The following TMTC1 variants were observed in gnomAD, a reference collection of about 807,000 sequenced individuals.
TMTC1 encodes the protein transmembrane O-mannosyltransferase targeting cadherins 1.
In TMTC1, 73 loss-of-function variants were observed where a neutral mutation model predicts 104.8. The observed-to-expected ratio is 0.70, with a 90% CI of 0.58 to 0.85. TMTC1 has a LOEUF of 0.85. Among genes scored for constraint, TMTC1 ranks in the 40% least tolerant of loss-of-function variants. TMTC1 has a pLI of 0.00. For synonymous variants in TMTC1, 434 were observed against 428.7 expected, an observed-to-expected ratio of 1.01 and a Z score of -0.15; for missense variants, 1,035 against 1,096.1, an observed-to-expected ratio of 0.94 and a Z score of 0.79.
In TMTC1 at chr12:29,783,596, G is replaced by A. The variant is rs1435758267; in HGVS notation, c.156C>T (p.Asp52=). The A allele has an allele frequency of 2.0e-6, 3 of 1,478,948 alleles. No individual in the cohort carries two copies. The highest frequency in any genetic ancestry group is 2.6e-5 in the South Asian group (2 of 78,202). 91.6% of individuals were successfully genotyped at this position (1,478,948 alleles called of 1,614,324 possible). The part of the protein sequence containing the change: ...GRSLQGEFVH[D]DVWAIVNNPD... ...GGTTGTTCACGATCGCCCACACGTC[G>A]TCGTGCACGAACTCGCCCTGCAGGG... The change falls in exon 1 of 18, where the codon GAC becomes GAT. Residue 52 remains aspartate, a synonymous_variant. Transcript: ENST00000539277. This position sits in a 1 kb window ranked among gnomAD's most constrained non-coding sequence, Gnocchi z 4.7.
At chr12:29,666,056 C>T (rs1940263467) in intron 5 of TMTC1, among the ~76,000 whole-genome samples, 1 of 152,064 alleles carries the variant, frequency 6.6e-6, no homozygotes, top group Admixed American at 6.5e-5. Context: ...ACAGTGGTCT[C>T]CGTATCAATT....
intron 5 of TMTC1, among the ~76,000 whole-genome samples, chr12:29,674,754 C>T (rs74078918): frequency 6.6e-6 from 1 of 152,134 alleles, no homozygotes; most frequent in African/African-American, 2.4e-5. Flanking sequence ...AAGGGGGGGC[C>T]TTTTCCTAAT....
intron 5 of TMTC1, chr12:29,658,575 A>T (rs746450141): frequency 5.3e-6 from 1 of 187,148 alleles, no homozygotes; most frequent in Non-Finnish European, 1.2e-5. Context: ...GTTTGTTTAT[A>T]ACAACACCAA....
At chr12:29,606,835 C>T (rs1166893691) in intron 6 of TMTC1, among the ~76,000 whole-genome samples, 2 of 152,146 alleles carry the variant, frequency 1.3e-5, no homozygotes, top group East Asian at 1.9e-4. Context: ...CCTTCCAACG[C>T]ACCTTCCTCA....
chr12:29,675,260 CA>C (rs1445489686), intron 5 of TMTC1, among the ~76,000 whole-genome samples: 3 of 150,104 alleles, frequency 2.0e-5, no homozygotes, highest in African/African-American at 7.3e-5. Flanking sequence ...TTAACAAACA[CA>C]ATTTTCCTGT....
At chr12:29,550,562 A>C (rs1208908226) in intron 10 of TMTC1, among the ~76,000 whole-genome samples, 1 of 152,110 alleles carries the variant, frequency 6.6e-6, no homozygotes, top group Non-Finnish European at 1.5e-5. Flanking sequence ...GACAGAGGTA[A>C]GAGTTTAAGC....
chr12:29,579,929 G>T (rs934004016), intron 8 of TMTC1, among the ~76,000 whole-genome samples: 5 of 152,146 alleles, frequency 3.3e-5, no homozygotes, highest in Non-Finnish European at 7.4e-5. Flanking sequence ...CCAGATTTGG[G>T]TTCAAATCTT....
chr12:29,665,997 T>G (rs989694434), intron 5 of TMTC1, among the ~76,000 whole-genome samples: 2 of 152,054 alleles, frequency 1.3e-5, no homozygotes, highest in Non-Finnish European at 1.5e-5. Flanking sequence ...TTGTCCATGC[T>G]ATATTCAGAG....
intron 5 of TMTC1, among the ~76,000 whole-genome samples, chr12:29,635,503 A>G (rs1450198376): frequency 1.3e-5 from 2 of 152,226 alleles, no homozygotes; most frequent in Non-Finnish European, 2.9e-5. Flanking sequence ...CATGATCATC[A>G]ATGACTGCTT....
chr12:29,761,498 G>A (rs1326829142), intron 2 of TMTC1, among the ~76,000 whole-genome samples: 3 of 151,558 alleles, frequency 2.0e-5, no homozygotes, highest in Non-Finnish European at 4.4e-5. Context: ...TACTTCAGAA[G>A]AAGATTGAAA....
intron 5 of TMTC1, among the ~76,000 whole-genome samples, chr12:29,644,095 A>G: frequency 1.2e-5 from 1 of 85,054 alleles, no homozygotes; most frequent in African/African-American, 5.0e-5. Flanking sequence ...ATATAAATAT[A>G]AATATATAAA....
intron 5 of TMTC1, among the ~76,000 whole-genome samples, chr12:29,711,510 G>T (rs1422258771): frequency 6.6e-6 from 1 of 152,154 alleles, no homozygotes; most frequent in Non-Finnish European, 1.5e-5. Flanking sequence ...TAGGACGGGT[G>T]TTGGTGTCAT....
chr12:29,514,389 C>A, intron 16 of TMTC1, 93 bp downstream of exon 16: 1 of 1,339,620 alleles, frequency 7.5e-7, no homozygotes, highest in East Asian at 2.3e-5. Flanking sequence ...TGCCAGTGAT[C>A]TTAGATCTTA....
intron 5 of TMTC1, among the ~76,000 whole-genome samples, chr12:29,644,103 A>G (rs1473408820): frequency 2.8e-5 from 2 of 70,894 alleles, no homozygotes; most frequent in Admixed American, 2.8e-4. Flanking sequence ...ATAAATATAT[A>G]AATATATATG....
chr12:29,600,086 G>A lies in TMTC1; in HGVS notation c.1250+4092C>T, dbSNP rs538589086. 3.4e-5 allele frequency among the ~76,000 whole-genome samples: 5 copies of A among 146,298 alleles called. No individual in the cohort carries two copies. In the South Asian group the frequency reaches 1.1e-3, roughly 31 times the overall value. ...GGCTGTTTCTTGTCAAGGTCAGGAT[G>A]GAAGGAGATTCATGAAGATATGATT... is the stretch of plus-strand genomic sequence containing the variant. On this transcript the variant is annotated intron_variant, in intron 7 of 17. Coordinates refer to ENST00000539277, the MANE Select transcript of TMTC1 (RefSeq NM_001193451.2).
chr12:29,764,931 T>C (rs1943429302), intron 2 of TMTC1, among the ~76,000 whole-genome samples: 1 of 152,208 alleles, frequency 6.6e-6, no homozygotes, highest in Admixed American at 6.5e-5. Flanking sequence ...TTATGCACTC[T>C]CTCTCTGATA....
chr12:29,685,349 C>T (rs1414705935), intron 5 of TMTC1, among the ~76,000 whole-genome samples: 1 of 149,568 alleles, frequency 6.7e-6, no homozygotes, highest in Non-Finnish European at 1.5e-5. Context: ...TCCTTTGTTA[C>T]CAAAATTATT....
rs1943706635 is a variant in TMTC1 at position 29,506,893 on chromosome 12, G to A, written c.2602C>T (p.Arg868Cys). ...ACTTCTTGTAATCGTTTTTCTAGGC[G>A]ATCCAATTTGGCAAGATTTTCCTTC... is the stretch of plus-strand genomic sequence containing the variant. ...LLKENLAKLD[R>C]LEKRLQEVRE... The change falls in exon 18 of 18, where the codon CGC becomes TGC. Residue 868 changes from arginine (R) to cysteine (C), a missense_variant. Physicochemically the swap from Arg to Cys is radical, Grantham distance 180. Coordinates refer to ENST00000539277, the MANE Select transcript of TMTC1 (RefSeq NM_001193451.2). The A allele has an allele frequency of 2.5e-6, 4 of 1,614,072 alleles. No homozygotes were observed. Among genetic ancestry groups the A allele is most frequent in the Non-Finnish European group, 3.4e-6 (4 of 1,179,978 alleles).
chr12:29,578,209 G>A (rs1243513489), intron 8 of TMTC1, among the ~76,000 whole-genome samples: 1 of 151,930 alleles, frequency 6.6e-6, no homozygotes, highest in African/African-American at 2.4e-5. Flanking sequence ...GCAGAAGTGG[G>A]TGGAGTCACT....
Sources: gnomAD v4.1 joint callset for allele counts (sites outside exome capture counted in the v4.1 genomes callset) on GRCh38, gnomAD v4.1.1 for gene constraint, Gnocchi (gnomAD v3.1) non-coding constraint, MANE v1.5 for transcripts, NCBI Gene and HGNC (gene_info 2026-07-23, HGNC 2026-07-21) for gene names.